BRWD3: variants seen among roughly 807,000 people sequenced by gnomAD.
BRWD3 encodes the protein bromodomain and WD repeat domain containing 3.
A neutral mutation model predicts 149.7 loss-of-function variants in BRWD3; 10 were observed. The ratio of observed to expected loss-of-function variants is 0.07; its 90% CI spans 0.04 to 0.11. BRWD3 has a LOEUF of 0.11. Among genes scored for constraint, BRWD3 ranks in the 10% least tolerant of loss-of-function variants. The pLI is 1.00. For synonymous variants in BRWD3, 504 were observed against 456.7 expected, an observed-to-expected ratio of 1.10 and a Z score of -1.32; for missense variants, 940 against 1,373.2, an observed-to-expected ratio of 0.68 and a Z score of 4.99.
At chrX:80,749,881 C>T (rs191618772) in intron 6 of BRWD3, among the ~76,000 whole-genome samples, 61 of 111,419 alleles carry the variant, frequency 5.5e-4, no homozygotes, top group African/African-American at 1.7e-3. Flanking sequence ...ATGATACTGA[C>T]GTAGAAACAG....
At chrX:80,784,044 T>C (rs2074084090) in intron 6 of BRWD3, among the ~76,000 whole-genome samples, 1 of 111,519 alleles carries the variant, frequency 9.0e-6, no homozygotes. Flanking sequence ...AAGAATAATT[T>C]ATTGTACATT....
intron 4 of BRWD3, among the ~76,000 whole-genome samples, chrX:80,800,304 T>A (rs1470332324): frequency 9.6e-6 from 1 of 104,543 alleles, no homozygotes; most frequent in Non-Finnish European, 2.0e-5. Flanking sequence ...CTTAGGTCTG[T>A]AATCCTAGGA....
chrX:80,770,089 T>C (rs1256907079), intron 6 of BRWD3, among the ~76,000 whole-genome samples: 4 of 111,508 alleles, frequency 3.6e-5, no homozygotes, highest in African/African-American at 1.3e-4. Context: ...TAACAGGCTC[T>C]AAAATTGAGG....
At chrX:80,748,142 C>T (rs982635582) in intron 6 of BRWD3, among the ~76,000 whole-genome samples, 4 of 111,300 alleles carry the variant, frequency 3.6e-5, no homozygotes, top group African/African-American at 9.8e-5. Context: ...CATGCCCAGC[C>T]GAGATACATT....
intron 13 of BRWD3, among the ~76,000 whole-genome samples, chrX:80,729,151 A>G (rs2073291193): frequency 1.8e-5 from 2 of 111,837 alleles, no homozygotes; most frequent in African/African-American, 6.5e-5. Flanking sequence ...TAGTTCCTTG[A>G]GAACCAAAAA....
rs1218577107 is a variant in BRWD3, at chrX:80,809,690, A to G, written c.-219T>C. 2.7e-6 allele frequency: 1 copy of G among 373,178 alleles called. No individual in the cohort carries two copies. The allele number at this position is 373,178 out of a possible 1,213,427, so 30.8% of individuals were successfully genotyped here. ...GAGGAGGCGGAGGAGGAAGGAGAGG[A>G]GAGGGAGAGGGAGAGAGAGAGTGAG... On this transcript the variant is annotated 5_prime_UTR_variant, in exon 1 of 41. Transcript: ENST00000373275.
intron 6 of BRWD3, among the ~76,000 whole-genome samples, chrX:80,764,311 A>C (rs2073833813): frequency 9.0e-6 from 1 of 110,883 alleles, no homozygotes; most frequent in African/African-American, 3.3e-5. Context: ...CTAGGCAAAG[A>C]ATTTTTTTTT....
At chrX:80,734,682 G>A (rs2137444) in intron 10 of BRWD3, among the ~76,000 whole-genome samples, 40,143 of 107,397 alleles carry the variant, frequency 0.37, 6,710 homozygotes, top group African/African-American at 0.64. Context: ...TAAAATTTTA[G>A]GTTCTGTATA....
At chrX:80,726,026 CAT>C (rs72082762) in intron 14 of BRWD3, among the ~76,000 whole-genome samples, 8,878 of 107,601 alleles carry the variant, frequency 0.083, 714 homozygotes, top group African/African-American at 0.24. Flanking sequence ...GTCTATATAA[CAT>C]ATAACATGTT....
intron 5 of BRWD3, 91 bp downstream of exon 5, chrX:80,793,531 A>G (rs2074205874): frequency 2.1e-6 from 2 of 960,675 alleles, no homozygotes; most frequent in Non-Finnish European, 2.9e-6. Flanking sequence ...ACTAGTATTT[A>G]GAAAAGCATG....
intron 12 of BRWD3, 143 bp downstream of exon 12, chrX:80,733,313 G>A: frequency 2.2e-6 from 1 of 445,236 alleles, no homozygotes. Flanking sequence ...GATGGCTAAG[G>A]ATGTCATCAA....
Position 80,809,532 on chromosome X carries a change from C to T in BRWD3, c.-61G>A. ...AGGGGCTGGCGGGGGCGGGTGGGGG[C>T]GCTGCCTCTATTGTGGTGAAGCCCC... On this transcript the variant is annotated 5_prime_UTR_variant, in exon 1 of 41. Transcript: ENST00000373275. The T allele has an allele frequency of 1.4e-6, 1 of 703,510 alleles. No individual in the cohort carries two copies. Among genetic ancestry groups the T allele is most frequent in the Non-Finnish European group, 2.1e-6 (1 of 470,431 alleles). 58.0% of individuals were successfully genotyped at this position (703,510 alleles called of 1,213,427 possible).
chrX:80,773,311 C>A (rs1251802228), intron 6 of BRWD3, among the ~76,000 whole-genome samples: 1 of 111,189 alleles, frequency 9.0e-6, no homozygotes, highest in African/African-American at 3.3e-5. Context: ...GGTGGGCAAC[C>A]TCAGCACCTT....
intron 20 of BRWD3, chrX:80,710,208 T>C: frequency 2.2e-6 from 1 of 448,254 alleles, no homozygotes; most frequent in East Asian, 4.3e-5. Context: ...TCCAGATTTG[T>C]ATCTGATAGA....
intron 19 of BRWD3, 48 bp downstream of exon 19, chrX:80,717,525 A>G: frequency 8.9e-7 from 1 of 1,120,706 alleles, no homozygotes; most frequent in Non-Finnish European, 1.2e-6. Context: ...TTCACTTCCT[A>G]AGAATAAAGC....
chrX:80,796,878 A>G (rs1034571093), intron 4 of BRWD3, among the ~76,000 whole-genome samples: 1 of 111,554 alleles, frequency 9.0e-6, no homozygotes, highest in African/African-American at 3.3e-5. Context: ...GATTCAATCT[A>G]AAAAATACTT....
chrX:80,712,821 A>G (rs1289127665), intron 20 of BRWD3, among the ~76,000 whole-genome samples: 2 of 101,043 alleles, frequency 2.0e-5, no homozygotes, highest in Non-Finnish European at 4.0e-5. Context: ...GGAGGTGAGG[A>G]GCGTCTCTGC....
At chrX:80,737,479 G>A (rs1332604217) in intron 8 of BRWD3, among the ~76,000 whole-genome samples, 1 of 111,739 alleles carries the variant, frequency 8.9e-6, no homozygotes, top group Non-Finnish European at 1.9e-5. Flanking sequence ...CACAGATGCA[G>A]AATCTACGGA....
Position 80,677,345 on chromosome X carries a change from G to A in BRWD3, c.4673C>T (p.Pro1558Leu). Residue 1558 changes from proline to leucine, a missense_variant, in exon 41 of 41, where the codon CCC becomes CTC. Pro to Leu is a moderately conservative substitution (Grantham distance 98, BLOSUM62 -3). Coordinates refer to ENST00000373275, the MANE Select transcript of BRWD3 (RefSeq NM_153252.5). Reference protein sequence around the residue: ...PVKQDHSLDGPLTNGDGREPR... With the variant: ...PVKQDHSLDGLLTNGDGREPR... ...CTCTCTGCCATCACCATTTGTAAGG[G>A]GTCCATCAAGGGAGTGATCTAAATT... 1 of 1,199,860 alleles carries A rather than the reference G, an allele frequency of 8.3e-7. No homozygotes were observed. Among genetic ancestry groups the A allele is most frequent in the Admixed American group, 2.2e-5 (1 of 44,637 alleles).
Sources: gnomAD v4.1 joint callset for allele counts (sites outside exome capture counted in the v4.1 genomes callset) on GRCh38, gnomAD v4.1.1 for gene constraint, MANE v1.5 for transcripts, NCBI Gene and HGNC (gene_info 2026-07-23, HGNC 2026-07-21) for gene names.